Variants in AOPEP observed in about 807,000 individuals in gnomAD.
AOPEP encodes aminopeptidase O.
AOPEP carries 77 observed loss-of-function variants against 98.1 expected under a neutral mutation model. That is an observed-to-expected ratio of 0.78 (90% CI 0.65 to 0.95). The LOEUF (loss-of-function observed/expected upper bound fraction) is 0.95, where lower values mean the gene tolerates loss of function less well. Among genes scored for constraint, AOPEP ranks in the 40% least tolerant of loss-of-function variants. The pLI is 0.00. For synonymous variants in AOPEP, 346 were observed against 365.3 expected (o/e 0.95, Z 0.60); for missense variants, 1,024 against 1,024.7 (o/e 1.00, Z 0.01).
intron 5 of AOPEP, among the ~76,000 whole-genome samples, chr9:94,922,044 G>A (rs532990868): frequency 7.9e-5 from 12 of 152,262 alleles, no homozygotes; most frequent in African/African-American, 2.9e-4. Flanking sequence ...TTGAAGGGTG[G>A]GGAGGGAAGT....
At chr9:94,824,121 C>T (rs956860663) in intron 5 of AOPEP, among the ~76,000 whole-genome samples, 2 of 152,096 alleles carry the variant, frequency 1.3e-5, no homozygotes, top group Admixed American at 6.5e-5. Context: ...CAGGAATCAC[C>T]GTGACAGTTA....
At chr9:94,763,096 G>T in intron 2 of AOPEP, 1 of 456,536 alleles carries the variant, frequency 2.2e-6, no homozygotes, top group Admixed American at 2.5e-5. Context: ...TCTCAGGCTG[G>T]GATGAGAAGC....
chr9:94,942,210 T>C (rs1388291634), intron 7 of AOPEP, among the ~76,000 whole-genome samples: 1 of 152,262 alleles, frequency 6.6e-6, no homozygotes, highest in South Asian at 2.1e-4. Context: ...AGAATCACTA[T>C]GTACATTACA....
At chr9:95,003,693 C>T (rs1193863797) in intron 11 of AOPEP, among the ~76,000 whole-genome samples, 1 of 152,162 alleles carries the variant, frequency 6.6e-6, no homozygotes, top group African/African-American at 2.4e-5. Flanking sequence ...GATGGCTGTA[C>T]AGTCTATACT....
rs768291640 is a variant in AOPEP, at chr9:94,773,029, C to T, written c.825C>T (p.Pro275=). 3.0e-5 allele frequency: 49 copies of T among 1,613,694 alleles called. No homozygotes were observed. The Admixed American group carries it at 7.8e-4, about 26-fold the overall frequency. ...CATGTGTTTATACTGTGGGATCTCCCATAAACAACAGGGCCCTTTTTCCAT... is the reference window on the plus strand; with the variant it reads ...CATGTGTTTATACTGTGGGATCTCCTATAAACAACAGGGCCCTTTTTCCAT... ...GRPCVYTVGS[P]INNRALFPCQ... Residue 275 remains proline (P), a synonymous_variant, in exon 3 of 17, where the codon CCC becomes CCT. Coordinates refer to ENST00000375315, the MANE Select transcript of AOPEP (RefSeq NM_001193329.3).
the AOPEP span, among the ~76,000 whole-genome samples, chr9:95,093,401 A>C: frequency 1.3e-5 from 2 of 152,226 alleles, no homozygotes; most frequent in Non-Finnish European, 2.9e-5. Context: ...CACCACGGTG[A>C]CTACGGTGCA....
intron 9 of AOPEP, among the ~76,000 whole-genome samples, chr9:94,964,910 A>G (rs996706153): frequency 1.4e-4 from 21 of 152,140 alleles, no homozygotes; most frequent in African/African-American, 4.8e-4. Flanking sequence ...AAGTTCTGGG[A>G]TTACAGGCGT....
At chr9:94,979,536 A>G (rs918506655) in intron 11 of AOPEP, 109 bp downstream of exon 11, 20 of 703,000 alleles carry the variant, frequency 2.8e-5, no homozygotes, top group African/African-American at 1.6e-4. Flanking sequence ...GAAAGTAATT[A>G]TCTTACTGAG....
In AOPEP at chr9:94,979,301, C is replaced by A. The variant is rs989200171; in HGVS notation, c.1917-66C>A. On this transcript the variant is annotated intron_variant, in intron 10 of 16. Transcript: ENST00000375315. ...CTGTGATGTACCCAGTTAGAGAGAA[C>A]CAGTCTGTGTAATAAGCGCTCTGTA... 1.2e-5 allele frequency: 12 copies of A among 1,037,068 alleles called. No individual in the cohort carries two copies. In the African/African-American group the frequency reaches 1.7e-4, roughly 15 times the overall value. 64.2% of individuals were successfully genotyped at this position (1,037,068 alleles called of 1,614,324 possible).
intron 3 of AOPEP, 33 bp downstream of exon 3, chr9:94,773,201 A>G: frequency 6.3e-7 from 1 of 1,587,608 alleles, no homozygotes; most frequent in Non-Finnish European, 8.6e-7. Flanking sequence ...TTATTTATGT[A>G]TTGCACACAT....
At chr9:94,738,838 T>C (rs1273099016) in intron 1 of AOPEP, among the ~76,000 whole-genome samples, 9 of 152,208 alleles carry the variant, frequency 5.9e-5, no homozygotes, top group African/African-American at 1.9e-4. Context: ...CCTCCCAAAG[T>C]GCTGGGATTA....
chr9:95,012,921 T>A (rs77414342), intron 13 of AOPEP, among the ~76,000 whole-genome samples: 1 of 137,884 alleles, frequency 7.3e-6, no homozygotes, highest in Non-Finnish European at 1.6e-5. Context: ...ATTTATTTTG[T>A]TTTTTTTTTT....
intron 13 of AOPEP, among the ~76,000 whole-genome samples, chr9:95,059,458 G>C (rs567057492): frequency 6.6e-6 from 1 of 151,606 alleles, no homozygotes; most frequent in Non-Finnish European, 1.5e-5. Context: ...GGTGGGTGTG[G>C]TGTTTGCAGT....
At chr9:94,985,886 C>T (rs1397741733) in intron 11 of AOPEP, among the ~76,000 whole-genome samples, 1 of 152,208 alleles carries the variant, frequency 6.6e-6, no homozygotes, top group Non-Finnish European at 1.5e-5. Context: ...TTCCGTTCAT[C>T]CAAGCACCTG....
intron 14 of AOPEP, among the ~76,000 whole-genome samples, chr9:95,069,801 GCT>G (rs2068293185): frequency 6.6e-6 from 1 of 152,236 alleles, no homozygotes; most frequent in East Asian, 1.9e-4. Flanking sequence ...GCAGCACATT[GCT>G]GCTGCTTTAG....
intron 4 of AOPEP, among the ~76,000 whole-genome samples, chr9:94,800,189 C>CA (rs1847906637): frequency 6.6e-6 from 1 of 152,140 alleles, no homozygotes; most frequent in Non-Finnish European, 1.5e-5. Context: ...TTTTGATGGG[C>CA]TGTGTAAAGA....
Position 94,759,858 on chromosome 9 carries a change from C to A in AOPEP, c.75C>A (p.His25Gln). The change falls in exon 2 of 17, where the codon CAC (histidine) becomes CAA (glutamine). Residue 25 changes from histidine to glutamine, a missense_variant. His to Gln is a conservative substitution (Grantham distance 24). Around this residue, in one of 3 missense-constraint regions of AOPEP, gnomAD observed 440 missense variants for 433.8 expected, o/e 1.01. Transcript: ENST00000375315. Reference protein sequence around the residue: ...MANTSHILVKHYVLDLDVDFE... With the variant: ...MANTSHILVKQYVLDLDVDFE... The stretch of plus-strand genomic sequence containing the variant: ...ACACCAGCCACATACTTGTGAAGCA[C>A]TATGTACTGGATTTGGATGTGGATT... 6.2e-7 allele frequency: 1 copy of A among 1,614,102 alleles called. No individual in the cohort carries two copies. The highest frequency in any genetic ancestry group is 1.7e-5 in the Admixed American group (1 of 60,016).
chr9:94,781,307 T>C (rs190924368), intron 3 of AOPEP, among the ~76,000 whole-genome samples: 74 of 152,272 alleles, frequency 4.9e-4, no homozygotes, highest in Non-Finnish European at 7.1e-4. Flanking sequence ...CAGTGCCTTG[T>C]ATAGAATAAG....
chr9:95,043,695 A>C (rs2065570077), intron 13 of AOPEP, among the ~76,000 whole-genome samples: 1 of 152,106 alleles, frequency 6.6e-6, no homozygotes, highest in South Asian at 2.1e-4. Flanking sequence ...ACAGGATCTC[A>C]GTTTGTCACC....
Sources: allele counts gnomAD v4.1 joint callset (sites outside exome capture counted in the v4.1 genomes callset), GRCh38; gene constraint gnomAD v4.1.1; regional missense constraint gnomAD v4.1.1; transcripts MANE v1.5; gene names NCBI Gene and HGNC (gene_info 2026-07-23, HGNC 2026-07-21).